Variants in LRRC20 observed in about 807,000 individuals in gnomAD.
The protein encoded by LRRC20 is leucine-rich repeat-containing protein 20.
A neutral mutation model predicts 14.4 loss-of-function variants in LRRC20; 11 were observed. The ratio of observed to expected loss-of-function variants is 0.77; its 90% CI spans 0.48 to 1.27. The LOEUF (loss-of-function observed/expected upper bound fraction) is 1.27. Among genes scored for constraint, LRRC20 ranks in the 50% most tolerant of loss-of-function variants. The pLI is 0.00. For missense variants in LRRC20, 219 were observed against 251.2 expected (o/e 0.87, Z 0.87); for synonymous variants, 121 against 107.3 (o/e 1.13, Z -0.79).
At chr10:70,322,086 G>A (rs927328986) in intron 4 of LRRC20, among the ~76,000 whole-genome samples, 10 of 151,796 alleles carry the variant, frequency 6.6e-5, no homozygotes, top group African/African-American at 2.2e-4. Context: ...TTCTTGGACT[G>A]CAGCCAACAT....
chr10:70,363,839 A>AT (rs145655483), intron 2 of LRRC20, among the ~76,000 whole-genome samples: 15 of 151,892 alleles, frequency 9.9e-5, no homozygotes, highest in African/African-American at 3.6e-4. Flanking sequence ...GCTCCAAGTC[A>AT]ACCCCCAACA....
rs533971229 is a variant in LRRC20 at position 70,344,864 on chromosome 10, G to T, written c.83-4162C>A. ...TTATAGTCACGAGCCACGGCACCCG[G>T]CCCACAAAGACATTTTTAAAAATAG... On this transcript the variant is annotated intron_variant, in intron 2 of 4. Coordinates refer to ENST00000446961, the MANE Select transcript of LRRC20 (RefSeq NM_001278212.2). Among the ~76,000 whole-genome samples, 18 of 152,244 alleles carry T rather than the reference G, an allele frequency of 1.2e-4. 1 individual carries two copies. In the South Asian group the frequency reaches 3.7e-3, roughly 32 times the overall value.
intron 2 of LRRC20, among the ~76,000 whole-genome samples, chr10:70,346,024 G>A (rs1843060968): frequency 6.6e-6 from 1 of 152,136 alleles, no homozygotes; most frequent in Non-Finnish European, 1.5e-5. Context: ...ATTTTGAGGG[G>A]CCGAGGCAGG....
intron 3 of LRRC20, among the ~76,000 whole-genome samples, chr10:70,338,605 C>T (rs1564627884): frequency 6.6e-6 from 1 of 152,142 alleles, no homozygotes; most frequent in East Asian, 1.9e-4. Context: ...TGAACATCCA[C>T]GTGTAATGTG....
At chr10:70,305,541 G>T (rs553136036) in intron 4 of LRRC20, among the ~76,000 whole-genome samples, 1 of 152,180 alleles carries the variant, frequency 6.6e-6, no homozygotes, top group East Asian at 1.9e-4. Flanking sequence ...CATAGCATGG[G>T]CCACGTTTTT....
chr10:70,337,739 T>C (rs1208371806), intron 3 of LRRC20, among the ~76,000 whole-genome samples: 2 of 152,178 alleles, frequency 1.3e-5, no homozygotes, highest in African/African-American at 4.8e-5. Context: ...ATTTTGTCCA[T>C]ACCCGTATCA....
chr10:70,372,693 C>T lies in LRRC20; in HGVS notation c.82+3759G>A, dbSNP rs191588708. Among the ~76,000 whole-genome samples the T allele has an allele frequency of 2.8e-4, 42 of 152,138 alleles. 1 individual carries two copies. Among genetic ancestry groups the T allele is most frequent in the Admixed American group, 2.7e-3 (41 of 15,294 alleles). On this transcript the variant is annotated intron_variant, in intron 2 of 4. Coordinates refer to ENST00000446961, the MANE Select transcript of LRRC20 (RefSeq NM_001278212.2). ...TCCTGACCTTGTGATCCGCCCGCCTCGGCCACCCAAAGTGCTGGGATTAAA... is the reference window on the plus strand; with the variant it reads ...TCCTGACCTTGTGATCCGCCCGCCTTGGCCACCCAAAGTGCTGGGATTAAA...
intron 4 of LRRC20, among the ~76,000 whole-genome samples, chr10:70,318,757 GA>G (rs112104535): frequency 0.15 from 22,452 of 148,680 alleles, 2,580 homozygotes; most frequent in African/African-American, 0.31. Context: ...CCATCTCAAA[GA>G]AAAAAAAAAA....
chr10:70,330,635 G>A (rs545170475), intron 3 of LRRC20, among the ~76,000 whole-genome samples: 1 of 152,234 alleles, frequency 6.6e-6, no homozygotes, highest in South Asian at 2.1e-4. Flanking sequence ...TGGGAAGGAA[G>A]CATTCCACAG....
intron 1 of LRRC20, among the ~76,000 whole-genome samples, chr10:70,378,522 C>T (rs1409389263): frequency 6.6e-6 from 1 of 151,254 alleles, no homozygotes; most frequent in Non-Finnish European, 1.5e-5. Flanking sequence ...CATGGTGGCT[C>T]ACACCTGTAA....
intron 4 of LRRC20, among the ~76,000 whole-genome samples, chr10:70,316,767 C>A (rs1841879048): frequency 6.6e-6 from 1 of 152,240 alleles, no homozygotes; most frequent in Non-Finnish European, 1.5e-5. Flanking sequence ...GGCAAGCGCT[C>A]CTTGCACTGT....
chr10:70,364,192 A>C (rs1843873140), intron 2 of LRRC20, among the ~76,000 whole-genome samples: 2 of 152,056 alleles, frequency 1.3e-5, no homozygotes, highest in African/African-American at 4.8e-5. Context: ...CCTCACCCCT[A>C]CCAGATGCCG....
intron 4 of LRRC20, among the ~76,000 whole-genome samples, chr10:70,310,776 G>A (rs563995390): frequency 1.3e-5 from 2 of 152,314 alleles, no homozygotes; most frequent in African/African-American, 2.4e-5. Context: ...CAAGAGTTGG[G>A]GCCCATTCCC....
At chr10:70,312,555 C>T (rs10823517) in intron 4 of LRRC20, among the ~76,000 whole-genome samples, 51,921 of 151,954 alleles carry the variant, frequency 0.34, 9,469 homozygotes, top group South Asian at 0.43. Flanking sequence ...CACTGCACAG[C>T]CTTGACAATC....
intron 3 of LRRC20, among the ~76,000 whole-genome samples, chr10:70,333,017 G>A (rs1434112464): frequency 1.3e-5 from 2 of 152,226 alleles, no homozygotes; most frequent in Non-Finnish European, 2.9e-5. Context: ...GACATAAACA[G>A]CAACAAGAGA....
At chr10:70,363,749 G>A (rs894959934) in intron 2 of LRRC20, among the ~76,000 whole-genome samples, 2 of 152,174 alleles carry the variant, frequency 1.3e-5, no homozygotes, top group Non-Finnish European at 2.9e-5. Context: ...CACAGGAGAA[G>A]AGGGAGAAGG....
At chr10:70,351,182 GA>G (rs1843290364) in intron 2 of LRRC20, among the ~76,000 whole-genome samples, 2 of 63,380 alleles carry the variant, frequency 3.2e-5, no homozygotes, top group Non-Finnish European at 7.7e-5. Context: ...CCCTGTCTCA[GA>G]AAGAAAAAAA....
intron 2 of LRRC20, among the ~76,000 whole-genome samples, chr10:70,375,412 G>A (rs922141550): frequency 1.8e-4 from 28 of 152,124 alleles, no homozygotes; most frequent in African/African-American, 6.5e-4. Context: ...GAAGGCGGAG[G>A]GCTTCCTGGA....
chr10:70,339,203 C>T (rs1002642783), intron 3 of LRRC20, among the ~76,000 whole-genome samples: 3 of 152,248 alleles, frequency 2.0e-5, no homozygotes, highest in African/African-American at 7.2e-5. Flanking sequence ...TAAACTGCAT[C>T]TTCGCTGTTG....
Sources: gnomAD v4.1 joint callset for allele counts (sites outside exome capture counted in the v4.1 genomes callset) on GRCh38, gnomAD v4.1.1 for gene constraint, MANE v1.5 for transcripts, NCBI Gene and HGNC (gene_info 2026-07-23, HGNC 2026-07-21) for gene names.